Variants in HECW1 observed in about 807,000 individuals in gnomAD.
The protein encoded by HECW1 is E3 ubiquitin-protein ligase HECW1.
A neutral mutation model predicts 182.3 loss-of-function variants in HECW1; 61 were observed. That is an observed-to-expected ratio of 0.33 (90% confidence interval 0.27 to 0.41). The LOEUF is 0.41. HECW1 is among the 10% of genes least tolerant of loss of function. HECW1 has a pLI of 1.00. For missense variants in HECW1, 1,739 were observed against 2,108.9 expected, an observed-to-expected ratio of 0.82 and a Z score of 3.44; for synonymous variants, 859 against 832.6, an observed-to-expected ratio of 1.03 and a Z score of -0.55.
Position 43,428,232 on chromosome 7 carries a change from A to G in HECW1, c.802-9771A>G, listed in dbSNP as rs79873609. 1.6e-3 allele frequency among the ~76,000 whole-genome samples: 246 copies of G among 152,348 alleles called. 3 individuals carry two copies. In the East Asian group the frequency reaches 0.031, roughly 19 times the overall value. ...TCCGTAGATTTTCTGCCAGAACAAT[A>G]ACTGGTGTGAGTTGGGCTTTGAGTG... On this transcript the variant is annotated intron_variant, in intron 8 of 29. Coordinates refer to ENST00000395891, the MANE Select transcript of HECW1 (RefSeq NM_015052.5).
At chr7:43,491,390 G>A (rs193084889) in intron 17 of HECW1, among the ~76,000 whole-genome samples, 1 of 152,152 alleles carries the variant, frequency 6.6e-6, no homozygotes, top group Non-Finnish European at 1.5e-5. Context: ...GCAATAACAG[G>A]CATTCAAGAA....
intron 3 of HECW1, among the ~76,000 whole-genome samples, chr7:43,308,160 TTA>T (rs1233621734): frequency 4.0e-4 from 42 of 105,970 alleles, no homozygotes; most frequent in Non-Finnish European, 5.1e-4. Context: ...TATTATATAT[TTA>T]TATATAATAT....
In HECW1 at chr7:43,361,057, C is replaced by CGTGTGTGT. The variant is rs3032904; in HGVS notation, c.555+102_555+109dup. The stretch of plus-strand genomic sequence containing the variant: ...CTTTCCTATTTTGTTCTTGTGCGTG[C>CGTGTGTGT]GTGTGTGTGTGTGTGTGTGTGTGTG... On this transcript the variant is annotated intron_variant, in intron 6 of 29. Coordinates refer to ENST00000395891, the MANE Select transcript of HECW1 (RefSeq NM_015052.5). 3.3e-4 allele frequency: 213 copies of CGTGTGTGT among 638,130 alleles called. No individual in the cohort carries two copies. The African/African-American group carries it at 3.4e-3, about 10-fold the overall frequency. 39.5% of individuals were successfully genotyped at this position (638,130 alleles called of 1,614,324 possible).
rs112569663 is a variant in HECW1, at chr7:43,169,789, C to T, written c.-32+55398C>T. Among the ~76,000 whole-genome samples the T allele has an allele frequency of 5.3e-5, 8 of 150,220 alleles. No individual in the cohort carries two copies. The East Asian group carries it at 7.9e-4, about 15-fold the overall frequency. On this transcript the variant is annotated intron_variant, in intron 2 of 29. Coordinates refer to ENST00000395891, the MANE Select transcript of HECW1 (RefSeq NM_015052.5). ...CTGCAAGCTTCGCCTCCCGGGTTCA[C>T]GCCATTCTCCTGCCTCAGCCTCCCG...
At position 43,562,533 on chromosome 7, in the gene HECW1, T is replaced by A. The variant is rs1459676680; in HGVS notation, c.*607T>A. On this transcript the variant is annotated 3_prime_UTR_variant, in exon 30 of 30. Transcript: ENST00000395891. ...TGGCATCAGTCCCATCAGCCGGAAC[T>A]AGCCTAGACATACGGTGCAAATATG... 4.4e-6 allele frequency: 1 copy of A among 227,872 alleles called. No individual in the cohort carries two copies. Among genetic ancestry groups the A allele is most frequent in the East Asian group, 6.3e-5 (1 of 15,956 alleles). 14.1% of individuals were successfully genotyped at this position (227,872 alleles called of 1,614,324 possible).
intron 5 of HECW1, among the ~76,000 whole-genome samples, chr7:43,350,880 C>T (rs1407584795): frequency 6.6e-6 from 1 of 152,106 alleles, no homozygotes; most frequent in African/African-American, 2.4e-5. Context: ...TCAGGGATTT[C>T]TTCTTGGTTT....
At chr7:43,436,229 T>C (rs2152870404) in intron 8 of HECW1, among the ~76,000 whole-genome samples, 1 of 152,058 alleles carries the variant, frequency 6.6e-6, no homozygotes, top group South Asian at 2.1e-4. Context: ...AAATATGTAT[T>C]TATTTCAGGT....
At chr7:43,446,689 C>T (rs769994823) in intron 11 of HECW1, among the ~76,000 whole-genome samples, 20 of 152,006 alleles carry the variant, frequency 1.3e-4, no homozygotes, top group African/African-American at 2.9e-4. Flanking sequence ...CAATAATGCC[C>T]GCTTCTACAT....
At chr7:43,116,601 C>T (rs567700683) in intron 2 of HECW1, among the ~76,000 whole-genome samples, 6 of 152,358 alleles carry the variant, frequency 3.9e-5, no homozygotes, top group South Asian at 2.1e-4. Flanking sequence ...GTGTGACTTA[C>T]AGACATCAAG....
At chr7:43,241,880 T>C (rs1798923549) in intron 2 of HECW1, among the ~76,000 whole-genome samples, 1 of 151,658 alleles carries the variant, frequency 6.6e-6, no homozygotes, top group African/African-American at 2.4e-5. Context: ...GCCTCTGTCA[T>C]GGGGGAAGGG....
intron 4 of HECW1, among the ~76,000 whole-genome samples, chr7:43,315,742 C>T (rs941687826): frequency 1.3e-5 from 2 of 152,136 alleles, no homozygotes; most frequent in African/African-American, 4.8e-5. Context: ...GATCCACCCA[C>T]CTCGGCCTCC....
chr7:43,314,042 G>A (rs1808878009), intron 4 of HECW1, among the ~76,000 whole-genome samples: 1 of 152,102 alleles, frequency 6.6e-6, no homozygotes, highest in Non-Finnish European at 1.5e-5. Flanking sequence ...TCAAACTCCA[G>A]GGCTCAAGTG....
intron 7 of HECW1, among the ~76,000 whole-genome samples, chr7:43,401,567 G>GTTTTTT (rs10574466): frequency 0.059 from 7,187 of 122,730 alleles, 304 homozygotes; most frequent in Non-Finnish European, 0.087. Flanking sequence ...ATTTAAAAAG[G>GTTTTTT]TTTTTTTTTT....
At position 43,445,513 on chromosome 7, in the gene HECW1, G is replaced by A. The variant is rs759091887; in HGVS notation, c.2341G>A (p.Glu781Lys). Reference sequence around the variant, plus strand: ...GCTGGCCGCCCCTAGCGGGCACGTGGAAAGAAGCCCGGAAGGTCTGGAATC... The same window carrying A: ...GCTGGCCGCCCCTAGCGGGCACGTGAAAAGAAGCCCGGAAGGTCTGGAATC... ...DELAAPSGHVERSPEGLESPV... is the reference protein window; with the variant it reads ...DELAAPSGHVKRSPEGLESPV... The change falls in exon 11 of 30, where the codon GAA becomes AAA. Residue 781 changes from glutamate (E) to lysine (K), a missense_variant. Physicochemically the swap from Glu to Lys is moderately conservative, Grantham distance 56 (BLOSUM62 1). This residue lies in a region of HECW1 where 971 missense variants were observed against 1,029.1 expected (regional missense o/e 0.94). Transcript: ENST00000395891. 1.1e-5 allele frequency: 17 copies of A among 1,610,760 alleles called. No individual in the cohort carries two copies. Among genetic ancestry groups the A allele is most frequent in the Non-Finnish European group, 1.4e-5 (17 of 1,178,404 alleles).
chr7:43,165,733 G>A (rs1381491645), intron 2 of HECW1, among the ~76,000 whole-genome samples: 2 of 152,116 alleles, frequency 1.3e-5, no homozygotes, highest in Non-Finnish European at 2.9e-5. Context: ...CAGCAGTTGT[G>A]AAAATATGCT....
chr7:43,412,697 T>C (rs2075847548), intron 8 of HECW1, among the ~76,000 whole-genome samples: 1 of 150,482 alleles, frequency 6.6e-6, no homozygotes, highest in South Asian at 2.1e-4. Flanking sequence ...AGTGAGAATA[T>C]GCGGTGTTTG....
In HECW1 at chr7:43,468,207, G is replaced by A. The variant is rs528316327; in HGVS notation, c.2914-713G>A. ...TACACACACACAAGTTTTTACATAG[G>A]GTTCAAAGGAATGACAGACCTCTCA... is the stretch of plus-strand genomic sequence containing the variant. On this transcript the variant is annotated intron_variant, in intron 15 of 29. Transcript: ENST00000395891. Among the ~76,000 whole-genome samples the A allele has an allele frequency of 2.6e-5, 4 of 152,146 alleles. No homozygotes were observed. The East Asian group carries it at 7.8e-4, about 30-fold the overall frequency.
chr7:43,149,630 T>C (rs540544929), intron 2 of HECW1, among the ~76,000 whole-genome samples: 1 of 152,322 alleles, frequency 6.6e-6, no homozygotes, highest in Non-Finnish European at 1.5e-5. Flanking sequence ...AGATTAGATA[T>C]TAACTTAAGA....
At chr7:43,114,527 T>C in intron 2 of HECW1, 136 bp downstream of exon 2, 1 of 756,924 alleles carries the variant, frequency 1.3e-6, no homozygotes. Context: ...GAATTCCCTG[T>C]TGGTAGAATT....
Sources: allele counts gnomAD v4.1 joint callset (sites outside exome capture counted in the v4.1 genomes callset), GRCh38; gene constraint gnomAD v4.1.1; regional missense constraint gnomAD v4.1.1; transcripts MANE v1.5; gene names NCBI Gene and HGNC (gene_info 2026-07-23, HGNC 2026-07-21).